SH3KBP1: variants seen among roughly 807,000 people sequenced by gnomAD.
SH3KBP1 encodes SH3 domain-containing kinase-binding protein 1.
A neutral mutation model predicts 50.1 loss-of-function variants in SH3KBP1; 8 were observed. The ratio of observed to expected loss-of-function variants is 0.16; its 90% CI spans 0.09 to 0.29. The LOEUF (loss-of-function observed/expected upper bound fraction) is 0.29, where lower values mean the gene tolerates loss of function less well. SH3KBP1 is among the 10% of genes least tolerant of loss of function. The pLI is 1.00. For synonymous variants in SH3KBP1, 227 were observed against 218.6 expected (o/e 1.04, Z -0.34); for missense variants, 377 against 535.2 (o/e 0.70, Z 2.92).
chrX:19,642,547 G>C (rs953354114), intron 7 of SH3KBP1, among the ~76,000 whole-genome samples: 10 of 111,921 alleles, frequency 8.9e-5, no homozygotes, highest in Non-Finnish European at 1.7e-4. Context: ...CACCTGTTCA[G>C]CTGGTCTTCT....
intron 3 of SH3KBP1, among the ~76,000 whole-genome samples, chrX:19,730,279 C>A (rs2064338546): frequency 9.0e-6 from 1 of 111,531 alleles, no homozygotes; most frequent in Non-Finnish European, 1.9e-5. Flanking sequence ...AGTTTAAGAC[C>A]AGCCTGGGCA....
At chrX:19,686,180 C>A (rs1218181042) in intron 5 of SH3KBP1, among the ~76,000 whole-genome samples, 2 of 112,178 alleles carry the variant, frequency 1.8e-5, no homozygotes, top group African/African-American at 3.2e-5. Flanking sequence ...TTCTGGCAGG[C>A]TGGTTCTATC....
chrX:19,537,703 C>G lies in SH3KBP1; in HGVS notation c.1956+14G>C. The G allele has an allele frequency of 8.3e-7, 1 of 1,207,033 alleles. No homozygotes were observed. The highest frequency in any genetic ancestry group is 1.1e-6 in the Non-Finnish European group (1 of 891,351). On this transcript the variant is annotated intron_variant, in intron 17 of 17. Transcript: ENST00000397821. ...GCCTAGGACTCACGGGCAGCAGAAC[C>G]CAAAGGGACGCACCTGCAACCGAAG... is the stretch of plus-strand genomic sequence containing the variant.
intron 2 of SH3KBP1, among the ~76,000 whole-genome samples, chrX:19,763,429 T>G (rs747440774): frequency 1.8e-3 from 205 of 112,644 alleles, no homozygotes; most frequent in African/African-American, 6.4e-3. Context: ...CTTACCGTTA[T>G]CCACTTGTCT....
intron 5 of SH3KBP1, among the ~76,000 whole-genome samples, chrX:19,692,468 A>G (rs2063310019): frequency 9.1e-6 from 1 of 109,980 alleles, no homozygotes; most frequent in Non-Finnish European, 1.9e-5. Flanking sequence ...TATCATATTC[A>G]TCCATTGGTA....
chrX:19,777,691 G>A lies in SH3KBP1; in HGVS notation c.163-31250C>T, dbSNP rs763409681. Among the ~76,000 whole-genome samples the A allele has an allele frequency of 2.0e-3, 222 of 111,380 alleles. 1 individual carries two copies. Among genetic ancestry groups the A allele is most frequent in the African/African-American group, 6.2e-3 (191 of 30,621 alleles). On this transcript the variant is annotated intron_variant, in intron 2 of 17. Coordinates refer to ENST00000397821, the MANE Select transcript of SH3KBP1 (RefSeq NM_031892.3). ...GTCTCAAACACACCAGTCCTCCAGC[G>A]CCTTATTCTGCCTACTTGGAAGCAA... is the stretch of plus-strand genomic sequence containing the variant.
chrX:19,876,546 T>C (rs953103220), intron 1 of SH3KBP1, among the ~76,000 whole-genome samples: 7 of 110,960 alleles, frequency 6.3e-5, no homozygotes, highest in African/African-American at 2.3e-4. Flanking sequence ...AGCGTTCCAA[T>C]GCACATCTCC....
chrX:19,622,415 C>T (rs1458026276), intron 8 of SH3KBP1, among the ~76,000 whole-genome samples: 3 of 112,071 alleles, frequency 2.7e-5, no homozygotes, highest in Non-Finnish European at 5.6e-5. Flanking sequence ...CCTCAATATG[C>T]CCTCAAAATG....
At chrX:19,621,218 G>A (rs902304498) in intron 8 of SH3KBP1, among the ~76,000 whole-genome samples, 3 of 102,393 alleles carry the variant, frequency 2.9e-5, no homozygotes, top group Non-Finnish European at 5.9e-5. Context: ...GGGACTACAG[G>A]TGCCCGCCAC....
At chrX:19,601,057 A>G (rs777135989) in intron 9 of SH3KBP1, among the ~76,000 whole-genome samples, 1 of 111,181 alleles carries the variant, frequency 9.0e-6, no homozygotes, top group Non-Finnish European at 1.9e-5. Context: ...ATGAACCCAC[A>G]TTTTCTGATT....
chrX:19,630,887 T>G (rs746349106), intron 8 of SH3KBP1, among the ~76,000 whole-genome samples: 6 of 111,368 alleles, frequency 5.4e-5, no homozygotes, highest in African/African-American at 9.8e-5. Flanking sequence ...GGGGGAGGGG[T>G]AGGGCCAGGT....
At chrX:19,717,586 T>C (rs1449098356) in intron 3 of SH3KBP1, among the ~76,000 whole-genome samples, 1 of 111,037 alleles carries the variant, frequency 9.0e-6, no homozygotes, top group East Asian at 2.8e-4. Context: ...AATATATATA[T>C]ACCAAACAAA....
chrX:19,585,707 A>G (rs928741583), intron 12 of SH3KBP1, among the ~76,000 whole-genome samples: 1 of 112,058 alleles, frequency 8.9e-6, no homozygotes, highest in African/African-American at 3.2e-5. Flanking sequence ...CAGCAGCAGC[A>G]GCAGCAGCAG....
intron 9 of SH3KBP1, among the ~76,000 whole-genome samples, chrX:19,596,098 T>C (rs2066898972): frequency 9.0e-6 from 1 of 111,618 alleles, no homozygotes; most frequent in South Asian, 3.8e-4. Context: ...TCTGTCGTTG[T>C]GTTAATTATC....
At chrX:19,795,794 G>A (rs978916910) in intron 2 of SH3KBP1, among the ~76,000 whole-genome samples, 1 of 111,959 alleles carries the variant, frequency 8.9e-6, no homozygotes, top group Non-Finnish European at 1.9e-5. Flanking sequence ...AATGGTGTGT[G>A]TTTTGATCTC....
Position 19,802,913 on chromosome X carries a change from G to T in SH3KBP1, c.162+33212C>A, listed in dbSNP as rs187907517. Among the ~76,000 whole-genome samples, 7 of 111,587 alleles carry T rather than the reference G, an allele frequency of 6.3e-5. No individual in the cohort carries two copies. In the East Asian group the frequency reaches 2.0e-3, roughly 32 times the overall value. On this transcript the variant is annotated intron_variant, in intron 2 of 17. Transcript: ENST00000397821. ...TGGGCTAATCTTTCTCTTTCGGGAA[G>T]GGCACCAATCTCTCCCACAGGGCAC...
intron 8 of SH3KBP1, among the ~76,000 whole-genome samples, chrX:19,618,150 C>T (rs770332772): frequency 1.3e-4 from 14 of 110,508 alleles, no homozygotes; most frequent in South Asian, 1.1e-3. Flanking sequence ...CTTTGGGAGG[C>T]CAAGGTGGGT....
intron 7 of SH3KBP1, 80 bp downstream of exon 7, chrX:19,645,320 G>C (rs1460491038): frequency 4.1e-5 from 31 of 754,951 alleles, no homozygotes; most frequent in Non-Finnish European, 6.1e-5. Flanking sequence ...AGGTTATATA[G>C]GGATTTCTAA....
At chrX:19,563,914 C>T (rs1267378422) in intron 13 of SH3KBP1, among the ~76,000 whole-genome samples, 1 of 111,274 alleles carries the variant, frequency 9.0e-6, no homozygotes, top group Non-Finnish European at 1.9e-5. Context: ...CTGGAAGGCG[C>T]GGCTGTTGTT....
Sources: allele counts gnomAD v4.1 joint callset (sites outside exome capture counted in the v4.1 genomes callset), GRCh38; gene constraint gnomAD v4.1.1; transcripts MANE v1.5; gene names NCBI Gene and HGNC (gene_info 2026-07-23, HGNC 2026-07-21).